Variants in ICA1 observed in about 807,000 individuals in gnomAD.
ICA1 encodes islet cell autoantigen 1.
A neutral mutation model predicts 71.0 loss-of-function variants in ICA1; 40 were observed. The ratio of observed to expected loss-of-function variants is 0.56; its 90% CI spans 0.44 to 0.73. The LOEUF is 0.73. Among genes scored for constraint, ICA1 ranks in the 30% least tolerant of loss-of-function variants. The pLI, the probability that ICA1 is intolerant of heterozygous loss-of-function variation, is 0.00. For synonymous variants in ICA1, 207 were observed against 209.5 expected (o/e 0.99, Z 0.10); for missense variants, 578 against 576.5 (o/e 1.00, Z -0.03).
At chr7:8,161,383 G>T (rs1301509744) in intron 6 of ICA1, among the ~76,000 whole-genome samples, 3 of 152,170 alleles carry the variant, frequency 2.0e-5, no homozygotes, top group Admixed American at 1.3e-4. Context: ...AACAGAGAGG[G>T]GTGGGGTTGT....
rs184337888 is a variant in ICA1, at chr7:8,245,905, G to A, written c.-79-9900C>T. Among the ~76,000 whole-genome samples the A allele has an allele frequency of 4.6e-5, 7 of 152,248 alleles. No homozygotes were observed. In the East Asian group the frequency reaches 1.2e-3, roughly 25 times the overall value. On this transcript the variant is annotated intron_variant, in intron 1 of 13. Coordinates refer to ENST00000402384, the MANE Select transcript of ICA1 (RefSeq NM_001136020.3). ...ATCAGTAGAGCCTTGACATTTGCAAGGGACATATAACAATGTCCCCTTAAT... is the reference window on the plus strand; with the variant it reads ...ATCAGTAGAGCCTTGACATTTGCAAAGGACATATAACAATGTCCCCTTAAT...
chr7:8,123,543 C>T lies in ICA1; in HGVS notation c.1330+4330G>A, dbSNP rs748562370. 3.9e-5 allele frequency among the ~76,000 whole-genome samples: 6 copies of T among 152,112 alleles called. No individual in the cohort carries two copies. Among genetic ancestry groups the T allele is most frequent in the East Asian group, 3.9e-4 (2 of 5,190 alleles). ...GAGATGCAGCAGGAGTGTGCCAGAG[C>T]GAATGTAGCTGCTGGCACACAGGAA... On this transcript the variant is annotated intron_variant, in intron 13 of 13. Coordinates refer to ENST00000402384, the MANE Select transcript of ICA1 (RefSeq NM_001136020.3). The surrounding 1 kb of genome is among the most constrained non-coding windows in gnomAD (Gnocchi z 4.1).
At position 8,146,974 on chromosome 7, in the gene ICA1, T is replaced by C. The variant is rs533383307; in HGVS notation, c.805-3002A>G. ...TCTGGTCAAAGTGAAGCCAGGAATA[T>C]TTTCAGCCAAGGTTCTGATGGCTCC... On this transcript the variant is annotated intron_variant, in intron 8 of 13. Transcript: ENST00000402384. Among the ~76,000 whole-genome samples the C allele has an allele frequency of 2.6e-5, 4 of 151,848 alleles. No homozygotes were observed. In the East Asian group the frequency reaches 5.8e-4, roughly 22 times the overall value.
rs989517365 is a variant in ICA1, at chr7:8,221,519, C to A, written c.257-121G>T. 12 of 1,150,828 alleles carry A rather than the reference C, an allele frequency of 1.0e-5. No individual in the cohort carries two copies. The Admixed American group carries it at 2.1e-4, about 20-fold the overall frequency. 71.3% of individuals were successfully genotyped at this position (1,150,828 alleles called of 1,614,324 possible). On this transcript the variant is annotated intron_variant, in intron 4 of 13. Coordinates refer to ENST00000402384, the MANE Select transcript of ICA1 (RefSeq NM_001136020.3). ...AGGCGAAGACGAGATGAAATTAAAT[C>A]TAAGCGGCAGGCTACAGGGTAAGCT... is the stretch of plus-strand genomic sequence containing the variant.
chr7:8,131,518 T>C (rs183669231), intron 12 of ICA1, among the ~76,000 whole-genome samples: 1 of 152,198 alleles, frequency 6.6e-6, no homozygotes, highest in African/African-American at 2.4e-5. Flanking sequence ...TTTAGCCTTT[T>C]ATTTGGCTTC....
intron 1 of ICA1, among the ~76,000 whole-genome samples, chr7:8,261,819 C>G (rs1364099724): frequency 6.6e-6 from 1 of 152,158 alleles, no homozygotes; most frequent in Admixed American, 6.5e-5. Context: ...GAACGCTTCC[C>G]TACCGCTCCC....
chr7:8,143,276 A>C (rs1018149785), intron 9 of ICA1, among the ~76,000 whole-genome samples: 2 of 152,224 alleles, frequency 1.3e-5, no homozygotes, highest in African/African-American at 2.4e-5. Flanking sequence ...TAAAATGACA[A>C]GAGGCACCTT....
At chr7:8,193,621 A>T (rs546648418) in intron 6 of ICA1, among the ~76,000 whole-genome samples, 5 of 152,350 alleles carry the variant, frequency 3.3e-5, no homozygotes, top group Admixed American at 3.3e-4. Flanking sequence ...TGGCAAAAGC[A>T]TTCTATCCTT....
intron 6 of ICA1, among the ~76,000 whole-genome samples, chr7:8,208,519 T>C (rs1413696547): frequency 6.6e-6 from 1 of 152,228 alleles, no homozygotes; most frequent in Admixed American, 6.5e-5. Flanking sequence ...TACTGAAATC[T>C]AGAAGATGGT....
At chr7:8,146,750 T>C (rs1265734942) in intron 8 of ICA1, among the ~76,000 whole-genome samples, 73 of 150,306 alleles carry the variant, frequency 4.9e-4, no homozygotes, top group Non-Finnish European at 5.0e-4. Flanking sequence ...TGCGTGTGTG[T>C]GTGTGTGTGT....
intron 8 of ICA1, among the ~76,000 whole-genome samples, chr7:8,145,164 A>T (rs1219069574): frequency 6.6e-6 from 1 of 152,134 alleles, no homozygotes; most frequent in Non-Finnish European, 1.5e-5. Context: ...CAAGAATCTT[A>T]TTTCTTGAGA....
chr7:8,204,699 G>C (rs751956415), intron 6 of ICA1, among the ~76,000 whole-genome samples: 43 of 152,238 alleles, frequency 2.8e-4, no homozygotes, highest in Non-Finnish European at 5.3e-4. Context: ...AACAAAAAAT[G>C]AGCAGTCTTT....
At position 8,193,390 on chromosome 7, in the gene ICA1, A is replaced by C. The variant is rs374225810; in HGVS notation, c.579+24915T>G. Among the ~76,000 whole-genome samples, 124 of 152,322 alleles carry C rather than the reference A, an allele frequency of 8.1e-4. 1 individual carries two copies. The highest frequency in any genetic ancestry group is 2.5e-3 in the African/African-American group (105 of 41,584). On this transcript the variant is annotated intron_variant, in intron 6 of 13. Coordinates refer to ENST00000402384, the MANE Select transcript of ICA1 (RefSeq NM_001136020.3). Reference sequence around the variant, plus strand: ...CACAACTGTAGCTCCGTTCTCCTAAAGTGCAAAACCTGGCTCCCACTGTCC... The same window carrying C: ...CACAACTGTAGCTCCGTTCTCCTAACGTGCAAAACCTGGCTCCCACTGTCC...
intron 5 of ICA1, 155 bp from the exon 6 acceptor site, chr7:8,218,658 G>A (rs1796128229): frequency 9.0e-6 from 6 of 664,194 alleles, no homozygotes; most frequent in South Asian, 8.9e-5. Flanking sequence ...CGAAATGCAT[G>A]TAGTTCCAAC....
intron 13 of ICA1, among the ~76,000 whole-genome samples, chr7:8,124,834 A>T (rs928423801): frequency 6.6e-6 from 1 of 151,324 alleles, no homozygotes; most frequent in Non-Finnish European, 1.5e-5. Flanking sequence ...TGTCACCCAG[A>T]CTGGAGTGTA....
chr7:8,142,070 A>G (rs1795439776), intron 9 of ICA1: 1 of 1,327,652 alleles, frequency 7.5e-7, no homozygotes, highest in Non-Finnish European at 1.0e-6. Context: ...ATGGGCAGTT[A>G]GATATAAATA....
intron 6 of ICA1, among the ~76,000 whole-genome samples, chr7:8,181,048 T>G (rs1782060243): frequency 6.6e-6 from 1 of 152,156 alleles, no homozygotes; most frequent in Non-Finnish European, 1.5e-5. Context: ...AAGAACTCTT[T>G]ATCTGTTCTA....
intron 13 of ICA1, among the ~76,000 whole-genome samples, chr7:8,125,121 C>A (rs1476240304): frequency 6.6e-6 from 1 of 152,146 alleles, no homozygotes; most frequent in Non-Finnish European, 1.5e-5. Flanking sequence ...TTGATAGAAT[C>A]CCAGCAGAGG....
intron 6 of ICA1, among the ~76,000 whole-genome samples, chr7:8,177,789 G>C (rs1448239008): frequency 6.6e-6 from 1 of 152,194 alleles, no homozygotes; most frequent in African/African-American, 2.4e-5. Context: ...TTCTGTTAGG[G>C]AGATAGTATT....
Sources: gnomAD v4.1 joint callset for allele counts (sites outside exome capture counted in the v4.1 genomes callset) on GRCh38, gnomAD v4.1.1 for gene constraint, Gnocchi (gnomAD v3.1) non-coding constraint, MANE v1.5 for transcripts, NCBI Gene and HGNC (gene_info 2026-07-23, HGNC 2026-07-21) for gene names.